WWOX: variants seen among roughly 807,000 people sequenced by gnomAD.
WWOX encodes WW domain containing oxidoreductase, also known as WW domain-containing oxidoreductase.
A neutral mutation model predicts 46.2 loss-of-function variants in WWOX; 69 were observed. That is an observed-to-expected ratio of 1.49 (90% confidence interval 1.23 to 1.82). The LOEUF (loss-of-function observed/expected upper bound fraction) is 1.82, where lower values mean the gene tolerates loss of function less well. WWOX is among the 40% of genes most tolerant of loss of function. The pLI, the probability that WWOX is intolerant of heterozygous loss-of-function variation, is 0.00. For synonymous variants in WWOX, 359 were observed against 202.6 expected, an observed-to-expected ratio of 1.77 and a Z score of -6.56; for missense variants, 919 against 542.6, an observed-to-expected ratio of 1.69 and a Z score of -6.89.
chr16:79,098,429 T>C (rs139448451), intron 8 of WWOX, among the ~76,000 whole-genome samples: 516 of 152,256 alleles, frequency 3.4e-3, no homozygotes, highest in Middle Eastern at 0.024. Context: ...CCCTCAGGGG[T>C]CACCATGGGC....
intron 8 of WWOX, among the ~76,000 whole-genome samples, chr16:78,841,807 C>A (rs1017535114): frequency 3.9e-5 from 6 of 152,046 alleles, no homozygotes; most frequent in African/African-American, 1.4e-4. Flanking sequence ...ATTACTTTTG[C>A]TAATTATGTG....
At chr16:79,168,596 TGTGGAGGGAGG>T (rs2050640178) in intron 8 of WWOX, among the ~76,000 whole-genome samples, 1 of 152,104 alleles carries the variant, frequency 6.6e-6, no homozygotes, top group Non-Finnish European at 1.5e-5. Flanking sequence ...GGCCTAGAAA[TGTGGAGGGAGG>T]CAAGAGAGTG....
intron 8 of WWOX, among the ~76,000 whole-genome samples, chr16:79,122,094 G>T (rs1384116777): frequency 6.6e-6 from 1 of 152,178 alleles, no homozygotes; most frequent in Non-Finnish European, 1.5e-5. Context: ...TGCTCAGCGG[G>T]CACAGGTGCT....
intron 8 of WWOX, among the ~76,000 whole-genome samples, chr16:78,820,712 C>G (rs973406515): frequency 1.3e-5 from 2 of 152,174 alleles, no homozygotes; most frequent in African/African-American, 4.8e-5. Flanking sequence ...CAAATTATCG[C>G]AAACTGGGTA....
intron 8 of WWOX, among the ~76,000 whole-genome samples, chr16:78,842,936 G>A (rs12446590): frequency 6.7e-6 from 1 of 149,644 alleles, no homozygotes; most frequent in East Asian, 2.0e-4. Context: ...AATATGGAAA[G>A]AAATCTAATT....
chr16:79,033,750 T>C (rs1165038633), intron 8 of WWOX, among the ~76,000 whole-genome samples: 1 of 152,204 alleles, frequency 6.6e-6, no homozygotes, highest in Non-Finnish European at 1.5e-5. Flanking sequence ...GCAACCACCA[T>C]TCTCCCCTAC....
chr16:78,562,139 T>C (rs2044454955), intron 8 of WWOX, among the ~76,000 whole-genome samples: 1 of 152,200 alleles, frequency 6.6e-6, no homozygotes, highest in Non-Finnish European at 1.5e-5. Context: ...TGCTCAACTC[T>C]GGATTTGATC....
intron 5 of WWOX, among the ~76,000 whole-genome samples, chr16:78,369,935 C>A (rs764117231): frequency 2.0e-5 from 3 of 151,880 alleles, no homozygotes; most frequent in Non-Finnish European, 2.9e-5. Context: ...GAGTTTGAGA[C>A]CAGCCTGGCC....
At chr16:79,172,286 C>T (rs1048583590) in intron 8 of WWOX, among the ~76,000 whole-genome samples, 2 of 152,168 alleles carry the variant, frequency 1.3e-5, no homozygotes, top group African/African-American at 4.8e-5. Context: ...GCACTTGGCA[C>T]GTAGGAATGT....
At chr16:78,223,685 G>C (rs948359755) in intron 5 of WWOX, among the ~76,000 whole-genome samples, 47 of 152,176 alleles carry the variant, frequency 3.1e-4, no homozygotes, top group Admixed American at 2.8e-3. Context: ...TCCCAAAGGA[G>C]AGGGTGTTTG....
intron 5 of WWOX, among the ~76,000 whole-genome samples, chr16:78,203,400 A>T (rs753024042): frequency 6.6e-6 from 1 of 152,232 alleles, no homozygotes; most frequent in Non-Finnish European, 1.5e-5. Context: ...ATATGTTTCA[A>T]TGGAGAAGAG....
At chr16:78,807,278 C>T (rs958309113) in intron 8 of WWOX, among the ~76,000 whole-genome samples, 6 of 152,192 alleles carry the variant, frequency 3.9e-5, no homozygotes, top group African/African-American at 1.4e-4. Context: ...AACAGATTAA[C>T]AACATCTCAT....
chr16:79,099,877 G>A (rs182769195), intron 8 of WWOX, among the ~76,000 whole-genome samples: 112 of 152,306 alleles, frequency 7.4e-4, no homozygotes, highest in Non-Finnish European at 1.4e-3. Context: ...TTATTGCAAG[G>A]AGTTGGCTTA....
At chr16:78,668,180 TG>T (rs1567476676) in intron 8 of WWOX, among the ~76,000 whole-genome samples, 2 of 152,120 alleles carry the variant, frequency 1.3e-5, no homozygotes, top group South Asian at 2.1e-4. Context: ...CTCGGGAGGC[TG>T]GGACAGAAGA....
intron 8 of WWOX, among the ~76,000 whole-genome samples, chr16:79,114,382 A>ACG (rs2049472514): frequency 6.6e-6 from 1 of 151,272 alleles, no homozygotes. Context: ...GTGTGCACAC[A>ACG]TATCTACGTA....
At chr16:78,456,707 C>T (rs569271128) in intron 8 of WWOX, among the ~76,000 whole-genome samples, 1 of 152,056 alleles carries the variant, frequency 6.6e-6, no homozygotes, top group Non-Finnish European at 1.5e-5. Context: ...AAGACAGATT[C>T]TAAGAAGAGA....
chr16:78,500,792 C>G (rs1024342126), intron 8 of WWOX, among the ~76,000 whole-genome samples: 9 of 152,086 alleles, frequency 5.9e-5, no homozygotes, highest in African/African-American at 2.2e-4. Context: ...CAGTGTTTAC[C>G]AAAATTGTCA....
At chr16:78,107,112 C>G (rs970747212) in intron 1 of WWOX, among the ~76,000 whole-genome samples, 1 of 152,110 alleles carries the variant, frequency 6.6e-6, no homozygotes, top group South Asian at 2.1e-4. Flanking sequence ...AAAGAATGTT[C>G]ACATCTTATC....
chr16:78,681,230 G>A (rs539616470), intron 8 of WWOX, among the ~76,000 whole-genome samples: 5 of 152,120 alleles, frequency 3.3e-5, no homozygotes, highest in African/African-American at 1.2e-4. Context: ...AACAGAGCAA[G>A]ACTGTCTCAT....
Sources: allele counts gnomAD v4.1 joint callset (sites outside exome capture counted in the v4.1 genomes callset), GRCh38; gene constraint gnomAD v4.1.1; transcripts MANE v1.5; gene names NCBI Gene and HGNC (gene_info 2026-07-23, HGNC 2026-07-21).